SBF2: variants seen among roughly 807,000 people sequenced by gnomAD.
SBF2 encodes SET binding factor 2.
A neutral mutation model predicts 225.2 loss-of-function variants in SBF2; 112 were observed. The observed-to-expected ratio is 0.50, with a 90% CI of 0.43 to 0.58. The LOEUF is 0.58. Among genes scored for constraint, SBF2 ranks in the 20% least tolerant of loss-of-function variants. The pLI, the probability that SBF2 is intolerant of heterozygous loss-of-function variation, is 0.00. For synonymous variants in SBF2, 763 were observed against 773.3 expected (o/e 0.99, Z 0.22); for missense variants, 1,996 against 2,206.2 (o/e 0.90, Z 1.91).
chr11:10,195,644 C>A (rs1251006564), intron 1 of SBF2, among the ~76,000 whole-genome samples: 1 of 152,074 alleles, frequency 6.6e-6, no homozygotes. Flanking sequence ...TTGCCCCTCA[C>A]CTAAACTGCA....
chr11:10,076,995 T>C (rs1396381084), intron 2 of SBF2, among the ~76,000 whole-genome samples: 1 of 151,896 alleles, frequency 6.6e-6, no homozygotes, highest in Non-Finnish European at 1.5e-5. Context: ...GACATCAGAG[T>C]ACCTCTGGTT....
rs1245395014 is a variant in SBF2, at chr11:9,895,952, AG to A, written c.1919del (p.Ala640ValfsTer58). 6.2e-7 allele frequency: 1 copy of A among 1,611,080 alleles called. No homozygotes were observed. The highest frequency in any genetic ancestry group is 1.7e-5 in the Admixed American group (1 of 60,012). On this transcript the variant is annotated frameshift_variant, in exon 17 of 40. Coordinates refer to ENST00000256190, the MANE Select transcript of SBF2 (RefSeq NM_030962.4). LOFTEE classifies it high-confidence loss of function. Reference sequence around the variant, plus strand: ...GACCAATGAAACTTACCCTATAGAAAGCACTGGTCAAAGGGAGTAATGCTGC... The same window carrying A: ...GACCAATGAAACTTACCCTATAGAAACACTGGTCAAAGGGAGTAATGCTGC... ...IAAALLPLTS[A>X]FYRKLAPGVS... is the part of the protein sequence containing the mutation.
intron 14 of SBF2, among the ~76,000 whole-genome samples, chr11:9,964,177 A>T (rs1387996742): frequency 1.3e-5 from 2 of 152,214 alleles, no homozygotes; most frequent in African/African-American, 4.8e-5. Flanking sequence ...TGAGCCCAGG[A>T]GTCCAAGTCT....
chr11:10,240,550 C>G (rs920527328), intron 1 of SBF2, among the ~76,000 whole-genome samples: 1 of 152,180 alleles, frequency 6.6e-6, no homozygotes, highest in Non-Finnish European at 1.5e-5. Flanking sequence ...TCTGAGAACG[C>G]ATGCTCTTTA....
At chr11:10,257,708 A>C (rs1187042893) in intron 1 of SBF2, among the ~76,000 whole-genome samples, 3 of 145,484 alleles carry the variant, frequency 2.1e-5, no homozygotes, top group Non-Finnish European at 4.5e-5. Flanking sequence ...TGTACTAAAA[A>C]GAGCTTGGTC....
At chr11:10,284,916 C>T (rs987695543) in intron 1 of SBF2, among the ~76,000 whole-genome samples, 2 of 124,038 alleles carry the variant, frequency 1.6e-5, no homozygotes, top group African/African-American at 5.7e-5. Flanking sequence ...ACCCAGCTGA[C>T]AAGAGTTTTT....
chr11:10,061,458 A>G (rs183455214), intron 2 of SBF2, among the ~76,000 whole-genome samples: 74 of 152,308 alleles, frequency 4.9e-4, no homozygotes, highest in African/African-American at 1.7e-3. Context: ...CTCAGCCCAA[A>G]AGCTCCTTCA....
intron 2 of SBF2, among the ~76,000 whole-genome samples, chr11:10,124,933 C>G (rs962603709): frequency 6.6e-6 from 1 of 151,678 alleles, no homozygotes; most frequent in South Asian, 2.1e-4. Flanking sequence ...GGCAAAACCC[C>G]GTCTCTACTA....
At position 10,213,761 on chromosome 11, in the gene SBF2, A is replaced by C. The variant is rs559686830; in HGVS notation, c.56-19774T>G. On this transcript the variant is annotated intron_variant, in intron 1 of 39. Coordinates refer to ENST00000256190, the MANE Select transcript of SBF2 (RefSeq NM_030962.4). ...GGAAGAAGGGTTACTTCTGCTGGCA[A>C]GGGAGGCTCAGTACAAACCACAGGT... Among the ~76,000 whole-genome samples the C allele has an allele frequency of 1.8e-3, 276 of 152,308 alleles. 1 individual carries two copies. The highest frequency in any genetic ancestry group is 6.4e-3 in the African/African-American group (267 of 41,558).
intron 2 of SBF2, among the ~76,000 whole-genome samples, chr11:10,106,515 G>A (rs1211634676): frequency 6.6e-6 from 1 of 151,990 alleles, no homozygotes; most frequent in Non-Finnish European, 1.5e-5. Flanking sequence ...TGTAGTCCCA[G>A]GTGGCGTATG....
chr11:10,205,633 G>T (rs1294661403), intron 1 of SBF2, among the ~76,000 whole-genome samples: 3 of 152,044 alleles, frequency 2.0e-5, no homozygotes, highest in Non-Finnish European at 2.9e-5. Flanking sequence ...CACAGGGAAA[G>T]CCCAGAACCA....
In SBF2 at chr11:10,008,895, C is replaced by G. The variant is rs144272289; in HGVS notation, c.620-6206G>C. On this transcript the variant is annotated intron_variant, in intron 6 of 39. Coordinates refer to ENST00000256190, the MANE Select transcript of SBF2 (RefSeq NM_030962.4). ...CTGGAGCAGCCTTCTCAATGCTTAC[C>G]TCTTTTCCTGGGCAATTATCCTCCA... Among the ~76,000 whole-genome samples the G allele has an allele frequency of 2.3e-3, 348 of 152,342 alleles. 1 individual carries two copies. Among genetic ancestry groups the G allele is most frequent in the Middle Eastern group, 6.8e-3 (2 of 294 alleles).
At chr11:10,005,462 ATC>A (rs547600282) in intron 6 of SBF2, among the ~76,000 whole-genome samples, 137 of 152,246 alleles carry the variant, frequency 9.0e-4, no homozygotes, top group African/African-American at 3.1e-3. Flanking sequence ...AGTGCACTTG[ATC>A]TCTCAAGTTG....
chr11:10,012,682 G>A (rs750811873), intron 6 of SBF2, among the ~76,000 whole-genome samples: 1 of 151,992 alleles, frequency 6.6e-6, no homozygotes, highest in Non-Finnish European at 1.5e-5. Context: ...CCCTGAGTAT[G>A]GGTTACACTT....
At chr11:10,139,484 C>A (rs974029299) in intron 2 of SBF2, among the ~76,000 whole-genome samples, 1 of 152,172 alleles carries the variant, frequency 6.6e-6, no homozygotes, top group East Asian at 1.9e-4. Flanking sequence ...ATAATACAGG[C>A]CCCTTGCATT....
chr11:10,104,740 A>T (rs1420765729), intron 2 of SBF2, among the ~76,000 whole-genome samples: 4 of 152,064 alleles, frequency 2.6e-5, no homozygotes, highest in Non-Finnish European at 5.9e-5. Flanking sequence ...ATTGCTTCCT[A>T]CTCAGCCTCT....
In SBF2 at chr11:9,868,337, CAAAAAAA is replaced by C. The variant is rs35348349; in HGVS notation, c.1930-9948_1930-9942del. Among the ~76,000 whole-genome samples the C allele has an allele frequency of 4.2e-4, 11 of 26,374 alleles. No homozygotes were observed. The East Asian group carries it at 0.021, about 51-fold the overall frequency. 17.3% of individuals were successfully genotyped at this position (26,374 alleles called of 152,430 possible). Reference sequence around the variant, plus strand: ...GTGAAATCCCGTCTCTACAAAAATACAAAAAAAAAAAAAAAAAAAAAAAAAAAAAAAT... The same window carrying C: ...GTGAAATCCCGTCTCTACAAAAATACAAAAAAAAAAAAAAAAAAAAAAAAT... On this transcript the variant is annotated intron_variant, in intron 17 of 39. Coordinates refer to ENST00000256190, the MANE Select transcript of SBF2 (RefSeq NM_030962.4).
chr11:9,830,021 TAGAGGGA>T (rs1564890616), intron 27 of SBF2, among the ~76,000 whole-genome samples: 1 of 152,148 alleles, frequency 6.6e-6, no homozygotes, highest in Non-Finnish European at 1.5e-5. Flanking sequence ...TAAAGATTTG[TAGAGGGA>T]AGAGTGGAAG....
chr11:10,298,138 C>G (rs1228261964), upstream of SBF2, among the ~76,000 whole-genome samples: 1 of 152,210 alleles, frequency 6.6e-6, no homozygotes, highest in African/African-American at 2.4e-5. Context: ...CACCTGTAAT[C>G]CCAGCACTTT....
Sources: gnomAD v4.1 joint callset for allele counts (sites outside exome capture counted in the v4.1 genomes callset) on GRCh38, gnomAD v4.1.1 for gene constraint, MANE v1.5 for transcripts, NCBI Gene and HGNC (gene_info 2026-07-23, HGNC 2026-07-21) for gene names.